The following CDAN1 variants were observed in gnomAD, a reference collection of about 807,000 sequenced individuals.
CDAN1 encodes the protein codanin-1.
A neutral mutation model predicts 139.8 loss-of-function variants in CDAN1; 107 were observed. The ratio of observed to expected loss-of-function variants is 0.77; its 90% CI spans 0.65 to 0.90. The LOEUF is 0.90. Ranked by LOEUF, CDAN1 falls within the 40% of genes least tolerant of loss-of-function variation. The pLI is 0.00. For missense variants in CDAN1, 1,667 were observed against 1,575.7 expected, an observed-to-expected ratio of 1.06 and a Z score of -0.98; for synonymous variants, 776 against 660.6, an observed-to-expected ratio of 1.17 and a Z score of -2.68.
Position 42,737,016 on chromosome 15 carries a change from CG to C in CDAN1, c.86del (p.Ser29TrpfsTer11). 6.5e-7 allele frequency: 1 copy of C among 1,546,656 alleles called. No homozygotes were observed. The highest frequency in any genetic ancestry group is 2.0e-5 in the Admixed American group (1 of 50,974). ...VRWIARSTQG[S>X]EDNAGEAAAL... is the part of the protein sequence containing the mutation. ...GGGGGCGTGTCACCGCTGTTACCTC[CG>C]AACCCTGGGTGCTGCGCGCGATCCA... On this transcript the variant is annotated frameshift_variant, in exon 1 of 28. Coordinates refer to ENST00000356231, the MANE Select transcript of CDAN1 (RefSeq NM_138477.4). LOFTEE classifies it high-confidence loss of function.
chr15:42,728,946 CTT>C (rs2061570075), intron 19 of CDAN1, 75 bp downstream of exon 19: 4 of 1,560,584 alleles, frequency 2.6e-6, no homozygotes, highest in Non-Finnish European at 3.5e-6. Flanking sequence ...TCTGGCTGAC[CTT>C]CTCAGTTTAG....
At chr15:42,732,483 C>A in intron 9 of CDAN1, 75 bp from the exon 10 acceptor site, 2 of 1,350,702 alleles carry the variant, frequency 1.5e-6, no homozygotes, top group Non-Finnish European at 2.1e-6. Context: ...AGCAGCCAAC[C>A]CCTGGACTTC....
chr15:42,725,354 G>C (rs1001570196), intron 26 of CDAN1, 103 bp from the exon 27 acceptor site: 407 of 1,469,800 alleles, frequency 2.8e-4, no homozygotes, highest in Admixed American at 8.1e-4. Flanking sequence ...AGAGACTTGA[G>C]ATGGATAAAT....
chr15:42,731,034 A>AATTTT lies in CDAN1; in HGVS notation c.1897_1898insAAAAT (p.Leu633GlnfsTer3). 6.2e-7 allele frequency: 1 copy of AATTTT among 1,614,144 alleles called. No individual in the cohort carries two copies. Among genetic ancestry groups the AATTTT allele is most frequent in the Non-Finnish European group, 8.5e-7 (1 of 1,179,972 alleles). On this transcript the variant is annotated frameshift_variant, in exon 13 of 28. Transcript: ENST00000356231. LOFTEE classifies it high-confidence loss of function. The stretch of plus-strand genomic sequence containing the variant: ...GCCCAGGAATTTAGCCAAAAGTCTC[A>AATTTT]GGCTAAGAAGCACCACAGCAAATTG...
intron 20 of CDAN1, 116 bp from the exon 21 acceptor site, chr15:42,728,383 C>T (rs191610602): frequency 5.8e-6 from 7 of 1,212,140 alleles, no homozygotes; most frequent in African/African-American, 4.5e-5. Flanking sequence ...GAAGGAGGCA[C>T]CGTTTGCCCT....
At chr15:42,736,856 G>A (rs1196596359) in intron 1 of CDAN1, 76 bp from the exon 2 acceptor site, 2 of 1,451,584 alleles carry the variant, frequency 1.4e-6, no homozygotes, top group Non-Finnish European at 1.8e-6. Context: ...GGGGCCGTAG[G>A]GCGCGCCTCG....
chr15:42,730,468 C>T, intron 14 of CDAN1, 130 bp downstream of exon 14: 1 of 1,143,610 alleles, frequency 8.7e-7, no homozygotes. Flanking sequence ...CGTGCCTCTC[C>T]CAGGGCTCAG....
chr15:42,729,526 G>A, intron 17 of CDAN1, 42 bp downstream of exon 17: 1 of 1,612,448 alleles, frequency 6.2e-7, no homozygotes, highest in Non-Finnish European at 8.5e-7. Flanking sequence ...GGTACTCATG[G>A]AGGGACAGAC....
intron 25 of CDAN1, among the ~76,000 whole-genome samples, 166 bp downstream of exon 25, chr15:42,725,931 G>A (rs554799573): frequency 3.1e-4 from 43 of 138,324 alleles, no homozygotes; most frequent in Admixed American, 9.0e-4. Flanking sequence ...AGCTAAGATC[G>A]TGCCACTGCA....
At chr15:42,730,285 T>C in intron 14 of CDAN1, 70 bp from the exon 15 acceptor site, 1 of 1,412,694 alleles carries the variant, frequency 7.1e-7, no homozygotes, top group Non-Finnish European at 1.0e-6. Context: ...ACGCCATCAG[T>C]GGAAACTGGC....
rs2061687163 is a variant in CDAN1 at position 42,736,339 on chromosome 15, A to C, written c.532T>G (p.Phe178Val). Residue 178 changes from phenylalanine to valine, a missense_variant, in exon 2 of 28, where the codon TTC (phenylalanine) becomes GTC (valine). Phe to Val is a conservative substitution (Grantham distance 50, BLOSUM62 -1). Transcript: ENST00000356231. ...GGGGGAACCGAGCCTACGGGAGGGAACTCCTCCAGGTTGCTGAGGTTTGGC... is the reference window on the plus strand; with the variant it reads ...GGGGGAACCGAGCCTACGGGAGGGACCTCCTCCAGGTTGCTGAGGTTTGGC... ...DPPNLSNLEE[F>V]PPVGSVPPGP... 1 of 1,613,552 alleles carries C rather than the reference A, an allele frequency of 6.2e-7. No homozygotes were observed. The highest frequency in any genetic ancestry group is 8.5e-7 in the Non-Finnish European group (1 of 1,179,842).
chr15:42,734,970 G>T (rs1348772247), intron 6 of CDAN1, 130 bp downstream of exon 6: 6 of 731,672 alleles, frequency 8.2e-6, no homozygotes, highest in Admixed American at 4.1e-5. Flanking sequence ...CAAAATTAAA[G>T]AAAGATTATA....
intron 7 of CDAN1, 68 bp from the exon 8 acceptor site, chr15:42,734,115 C>G (rs1315454198): frequency 6.3e-7 from 1 of 1,597,250 alleles, no homozygotes; most frequent in African/African-American, 1.3e-5. Context: ...CTTATTCTTG[C>G]CCAGAGTTAG....
intron 12 of CDAN1, 69 bp downstream of exon 12, chr15:42,731,142 G>C: frequency 6.2e-7 from 1 of 1,614,202 alleles, no homozygotes; most frequent in Non-Finnish European, 8.5e-7. Context: ...CTGTTATAAA[G>C]TTTTTCTTGA....
At chr15:42,725,420 T>A in intron 26 of CDAN1, 69 bp downstream of exon 26, 1 of 1,582,018 alleles carries the variant, frequency 6.3e-7, no homozygotes, top group Non-Finnish European at 8.7e-7. Flanking sequence ...GAGCAGCTCA[T>A]AGTTTGGGGC....
rs200409387 is a variant in CDAN1, at chr15:42,730,161, C to G, written c.2229G>C (p.Leu743=). The change falls in exon 15 of 28, where the codon CTG becomes CTC. Residue 743 remains leucine (L), a synonymous_variant. Coordinates refer to ENST00000356231, the MANE Select transcript of CDAN1 (RefSeq NM_138477.4). ...GCCAGCCCAGGACAGCAAGTAGCAG[C>G]AGCTTGTTCAGGAAACACATCTTCC... ...SEGKMCFLNK[L]LLLAVLGWLF... 3.5e-5 allele frequency: 56 copies of G among 1,614,090 alleles called. No homozygotes were observed. The highest frequency in any genetic ancestry group is 4.7e-5 in the Non-Finnish European group (55 of 1,180,042).
intron 24 of CDAN1, 60 bp from the exon 25 acceptor site, chr15:42,726,220 G>A: frequency 6.2e-7 from 1 of 1,604,732 alleles, no homozygotes; most frequent in Non-Finnish European, 8.5e-7. Context: ...ACTGCTGCGA[G>A]AACTGGCCCT....
At chr15:42,730,494 C>T in intron 14 of CDAN1, 104 bp downstream of exon 14, 1 of 1,356,366 alleles carries the variant, frequency 7.4e-7, no homozygotes, top group South Asian at 1.2e-5. Context: ...GCCAGGGCCC[C>T]ACACGCACAG....
rs746977550 is a variant in CDAN1 at position 42,727,630 on chromosome 15, G to A, written c.3087C>T (p.Ser1029=). 50 of 1,573,860 alleles carry A rather than the reference G, an allele frequency of 3.2e-5. No individual in the cohort carries two copies. Among genetic ancestry groups the A allele is most frequent in the Non-Finnish European group, 4.2e-5 (48 of 1,156,258 alleles). ...HHAPLPSHLI[S]EIKDVLSLAV... The stretch of plus-strand genomic sequence containing the variant: ...TAGGGTAGCCGTGTACTTTTATCTC[G>A]GAGATGAGGTGGGAGGGGAGGGGAG... Residue 1029 remains serine (S), a synonymous_variant, in exon 23 of 28, where the codon TCC becomes TCT. Coordinates refer to ENST00000356231, the MANE Select transcript of CDAN1 (RefSeq NM_138477.4).
Sources: gnomAD v4.1 joint callset for allele counts (sites outside exome capture counted in the v4.1 genomes callset) on GRCh38, gnomAD v4.1.1 for gene constraint, MANE v1.5 for transcripts, NCBI Gene and HGNC (gene_info 2026-07-23, HGNC 2026-07-21) for gene names.